ASAP1: variants seen among roughly 807,000 people sequenced by gnomAD.
ASAP1 encodes the protein ArfGAP with SH3 domain, ankyrin repeat and PH domain 1, also known as arf-GAP with SH3 domain, ANK repeat and PH domain-containing protein 1.
In ASAP1, 43 loss-of-function variants were observed where a neutral mutation model predicts 145.2. The observed-to-expected ratio is 0.30, with a 90% CI of 0.23 to 0.38. The LOEUF (loss-of-function observed/expected upper bound fraction) is 0.38. ASAP1 is among the 10% of genes least tolerant of loss of function. The pLI, the probability that ASAP1 is intolerant of heterozygous loss-of-function variation, is 1.00. For missense variants in ASAP1, 1,018 were observed against 1,355.3 expected (o/e 0.75, Z 3.91); for synonymous variants, 546 against 515.5 (o/e 1.06, Z -0.80).
At chr8:130,210,396 A>G (rs1403561187) in intron 5 of ASAP1, among the ~76,000 whole-genome samples, 3 of 152,222 alleles carry the variant, frequency 2.0e-5, no homozygotes, top group Non-Finnish European at 4.4e-5. Flanking sequence ...TTTCTAAGAC[A>G]GTAAATATGA....
intron 9 of ASAP1, among the ~76,000 whole-genome samples, chr8:130,174,779 G>A (rs1813839415): frequency 6.6e-6 from 1 of 152,180 alleles, no homozygotes; most frequent in Non-Finnish European, 1.5e-5. Flanking sequence ...CTTTCACTTA[G>A]CATTAATGTT....
Position 130,288,093 on chromosome 8 carries a change from G to A in ASAP1, c.187-51099C>T, listed in dbSNP as rs953386572. Among the ~76,000 whole-genome samples the A allele has an allele frequency of 2.6e-5, 4 of 152,096 alleles. No homozygotes were observed. In the East Asian group the frequency reaches 7.7e-4, roughly 29 times the overall value. ...GCGTGGAACTCTTCTCCCCTGGCAG[G>A]AGCTCCAGCTACACGCATCAAGCAA... is the stretch of plus-strand genomic sequence containing the variant. On this transcript the variant is annotated intron_variant, in intron 3 of 29. Coordinates refer to ENST00000518721, the MANE Select transcript of ASAP1 (RefSeq NM_018482.4).
intron 4 of ASAP1, among the ~76,000 whole-genome samples, chr8:130,235,317 T>C (rs1276972692): frequency 6.6e-6 from 1 of 152,144 alleles, no homozygotes; most frequent in African/African-American, 2.4e-5. Flanking sequence ...TTTATTGGTA[T>C]ATAATATACA....
intron 2 of ASAP1, among the ~76,000 whole-genome samples, chr8:130,369,608 C>T (rs1389213663): frequency 1.3e-5 from 2 of 152,112 alleles, no homozygotes; most frequent in Non-Finnish European, 2.9e-5. Context: ...GGATAATAAG[C>T]ACATGAAAAG....
chr8:130,439,208 T>C (rs80059364), intron 1 of ASAP1, among the ~76,000 whole-genome samples: 4,433 of 152,160 alleles, frequency 0.029, 218 homozygotes, highest in African/African-American at 0.096. Context: ...CAAGCCAAGA[T>C]ATGCAAGTGG....
At chr8:130,331,131 C>T (rs1260356384) in intron 3 of ASAP1, among the ~76,000 whole-genome samples, 1 of 152,170 alleles carries the variant, frequency 6.6e-6, no homozygotes, top group African/African-American at 2.4e-5. Flanking sequence ...ACCTAGCAGG[C>T]ACACATATTA....
chr8:130,278,283 A>G (rs1821042632), intron 3 of ASAP1, among the ~76,000 whole-genome samples: 1 of 152,230 alleles, frequency 6.6e-6, no homozygotes, highest in East Asian at 1.9e-4. Flanking sequence ...GGACACGACC[A>G]ACCACAGAAA....
At chr8:130,193,508 AGAG>A in intron 5 of ASAP1, among the ~76,000 whole-genome samples, 1 of 152,288 alleles carries the variant, frequency 6.6e-6, no homozygotes, top group Non-Finnish European at 1.5e-5. Flanking sequence ...ATAGGGTGGG[AGAG>A]GAGATTTTTG....
chr8:130,422,833 T>A (rs1314442986), intron 1 of ASAP1, among the ~76,000 whole-genome samples: 2 of 152,246 alleles, frequency 1.3e-5, no homozygotes, highest in Non-Finnish European at 2.9e-5. Context: ...GTAAGCAGGC[T>A]GAAGCCTCAG....
At chr8:130,073,020 G>C (rs2097453253) in intron 27 of ASAP1, among the ~76,000 whole-genome samples, 1 of 151,666 alleles carries the variant, frequency 6.6e-6, no homozygotes, top group Non-Finnish European at 1.5e-5. Context: ...TGAGAGCAGA[G>C]GAAAAACACA....
chr8:130,081,327 A>G (rs1023632101), intron 25 of ASAP1, among the ~76,000 whole-genome samples: 3 of 152,310 alleles, frequency 2.0e-5, no homozygotes, highest in African/African-American at 7.2e-5. Flanking sequence ...TGTGGTGGGC[A>G]GAGTGCAGGG....
At chr8:130,216,233 G>C (rs2136448852) in intron 4 of ASAP1, among the ~76,000 whole-genome samples, 1 of 152,288 alleles carries the variant, frequency 6.6e-6, no homozygotes, top group Admixed American at 6.5e-5. Context: ...TTCCAGGTCT[G>C]AGGAATAGTA....
intron 7 of ASAP1, among the ~76,000 whole-genome samples, chr8:130,184,623 T>C (rs1422908662): frequency 1.3e-5 from 2 of 152,260 alleles, no homozygotes; most frequent in Non-Finnish European, 2.9e-5. Context: ...CTCTGTTCTA[T>C]GATAAACTTT....
chr8:130,239,588 A>C (rs1008845849), intron 3 of ASAP1, among the ~76,000 whole-genome samples: 2 of 152,130 alleles, frequency 1.3e-5, no homozygotes, highest in Non-Finnish European at 2.9e-5. Flanking sequence ...ACTATATACC[A>C]GTTTTGAGAT....
intron 1 of ASAP1, among the ~76,000 whole-genome samples, chr8:130,426,519 G>A (rs1219650775): frequency 6.6e-6 from 1 of 151,892 alleles, no homozygotes; most frequent in Non-Finnish European, 1.5e-5. Flanking sequence ...AAAATGCCCA[G>A]CAAGGTTAAG....
At chr8:130,101,662 T>C (rs2097528948) in intron 24 of ASAP1, among the ~76,000 whole-genome samples, 1 of 151,048 alleles carries the variant, frequency 6.6e-6, no homozygotes, top group Non-Finnish European at 1.5e-5. Flanking sequence ...CCTCCTATGC[T>C]CAAGCGATCT....
At chr8:130,304,991 A>ACG (rs759136236) in intron 3 of ASAP1, among the ~76,000 whole-genome samples, 2 of 151,186 alleles carry the variant, frequency 1.3e-5, no homozygotes, top group East Asian at 2.0e-4. Context: ...TCTTCCTCAC[A>ACG]CGCTCTACAC....
At chr8:130,262,069 T>G (rs1008082152) in intron 3 of ASAP1, among the ~76,000 whole-genome samples, 4 of 152,064 alleles carry the variant, frequency 2.6e-5, no homozygotes, top group African/African-American at 4.8e-5. Flanking sequence ...AAATGTATTT[T>G]ATACATTGTC....
At chr8:130,216,113 T>C (rs1443252720) in intron 4 of ASAP1, among the ~76,000 whole-genome samples, 3 of 152,182 alleles carry the variant, frequency 2.0e-5, no homozygotes, top group South Asian at 2.1e-4. Flanking sequence ...CCTGAAAAAG[T>C]AGAAAATTCT....
Sources: allele counts gnomAD v4.1 joint callset (sites outside exome capture counted in the v4.1 genomes callset), GRCh38; gene constraint gnomAD v4.1.1; transcripts MANE v1.5; gene names NCBI Gene and HGNC (gene_info 2026-07-23, HGNC 2026-07-21).